TBP: variants seen among roughly 807,000 people sequenced by gnomAD.
TBP encodes TATA-box-binding protein.
TBP carries 12 observed loss-of-function variants against 46.2 expected under a neutral mutation model. That is an observed-to-expected ratio of 0.26 (90% CI 0.17 to 0.42). The LOEUF (loss-of-function observed/expected upper bound fraction) is 0.42, where lower values mean the gene tolerates loss of function less well. Ranked by LOEUF, TBP falls within the 10% of genes least tolerant of loss-of-function variation. TBP has a pLI of 1.00. For synonymous variants in TBP, 157 were observed against 148.3 expected (o/e 1.06, Z -0.42); for missense variants, 229 against 403.1 (o/e 0.57, Z 3.70).
intron 1 of TBP, among the ~76,000 whole-genome samples, chr6:170,555,758 A>G (rs1425345421): frequency 1.3e-5 from 2 of 152,210 alleles, no homozygotes; most frequent in Non-Finnish European, 1.5e-5. Context: ...TCACAAAGAC[A>G]TGTAGGCTGG....
intron 1 of TBP, among the ~76,000 whole-genome samples, chr6:170,555,959 T>A (rs564227494): frequency 1.5e-4 from 23 of 152,352 alleles, no homozygotes; most frequent in African/African-American, 5.0e-4. Context: ...AAGTATATTT[T>A]AAAAAATATC....
intron 3 of TBP, among the ~76,000 whole-genome samples, chr6:170,562,711 C>G (rs982565524): frequency 2.0e-5 from 3 of 152,140 alleles, no homozygotes; most frequent in African/African-American, 7.2e-5. Context: ...CTGTTTTTGT[C>G]ATAAATGGAT....
chr6:170,563,114 T>G (rs1417751516), intron 3 of TBP, among the ~76,000 whole-genome samples: 1 of 152,194 alleles, frequency 6.6e-6, no homozygotes, highest in Non-Finnish European at 1.5e-5. Flanking sequence ...CCACACACAA[T>G]TTTAAAAACA....
At chr6:170,564,304 C>T (rs1779202631) in intron 3 of TBP, among the ~76,000 whole-genome samples, 1 of 152,156 alleles carries the variant, frequency 6.6e-6, no homozygotes, top group South Asian at 2.1e-4. Context: ...TAAGCCTCAG[C>T]TTATTTATCC....
intron 7 of TBP, 24 bp from the exon 8 acceptor site, chr6:170,572,162 C>T: frequency 1.3e-6 from 2 of 1,589,060 alleles, no homozygotes; most frequent in Non-Finnish European, 1.7e-6. Context: ...AGTCTCTCAT[C>T]TCTACTCCAA....
At chr6:170,568,760 C>CTGCT (rs1167109015) in intron 5 of TBP, among the ~76,000 whole-genome samples, 1 of 148,008 alleles carries the variant, frequency 6.8e-6, no homozygotes, top group African/African-American at 2.5e-5. Context: ...ACCTGCCTGC[C>CTGCT]TGCCTTTTTC....
intron 7 of TBP, among the ~76,000 whole-genome samples, chr6:170,571,831 GA>G (rs1779370850): frequency 6.6e-6 from 1 of 151,960 alleles, no homozygotes; most frequent in Admixed American, 6.6e-5. Context: ...GGAAGATTCA[GA>G]AATGAGTCTA....
intron 6 of TBP, 70 bp from the exon 7 acceptor site, chr6:170,571,340 A>G (rs979201297): frequency 9.4e-7 from 1 of 1,062,942 alleles, no homozygotes; most frequent in African/African-American, 1.6e-5. Flanking sequence ...TTTTCCTTGT[A>G]CAGGTCCTCA....
intron 2 of TBP, among the ~76,000 whole-genome samples, chr6:170,559,378 C>T (rs1158163820): frequency 1.3e-5 from 2 of 152,156 alleles, no homozygotes; most frequent in African/African-American, 4.8e-5. Flanking sequence ...GGGAAAAGTT[C>T]TTAAAGGAAA....
rs377394208 is a variant in TBP at position 170,568,815 on chromosome 6, C to CTTTTTTTTTTTTTTTTTTTTTTT, written c.678-792_678-770dup. On this transcript the variant is annotated intron_variant, in intron 5 of 7. Transcript: ENST00000392092. Reference sequence around the variant, plus strand: ...TTCTCTTCTTTCTTTCTTTCCTTTTCTTTTTTTTTTTTTTTTTTTTTTTTT... The same window carrying CTTTTTTTTTTTTTTTTTTTTTTT: ...TTCTCTTCTTTCTTTCTTTCCTTTTCTTTTTTTTTTTTTTTTTTTTTTTTTTTTTTTTTTTTTTTTTTTTTTTT... Among the ~76,000 whole-genome samples the CTTTTTTTTTTTTTTTTTTTTTTT allele has an allele frequency of 1.2e-3, 72 of 62,604 alleles. 19 individuals carry two copies. Among genetic ancestry groups the CTTTTTTTTTTTTTTTTTTTTTTT allele is most frequent in the East Asian group, 1.7e-3 (4 of 2,374 alleles). The allele number at this position is 62,604 out of a possible 152,430, so 41.1% of individuals were successfully genotyped here.
chr6:170,572,095 G>A, intron 7 of TBP, 91 bp from the exon 8 acceptor site: 2 of 981,152 alleles, frequency 2.0e-6, no homozygotes, highest in Non-Finnish European at 3.3e-6. Flanking sequence ...TGAGAATTGT[G>A]CTTGCAGCTT....
chr6:170,564,444 G>A (rs1779206218), intron 3 of TBP, 101 bp from the exon 4 acceptor site: 8 of 754,314 alleles, frequency 1.1e-5, no homozygotes, highest in African/African-American at 1.8e-5. Flanking sequence ...AAAAAGTAAA[G>A]CCTGGTTGAA....
chr6:170,560,248 CAGT>C (rs556976292), intron 2 of TBP, among the ~76,000 whole-genome samples: 117 of 152,248 alleles, frequency 7.7e-4, no homozygotes, highest in African/African-American at 2.6e-3. Context: ...CTTGTAATCT[CAGT>C]ACTTTGGGAG....
chr6:170,560,586 A>G (rs1583126513), intron 2 of TBP, among the ~76,000 whole-genome samples: 1 of 152,330 alleles, frequency 6.6e-6, no homozygotes. Flanking sequence ...TGCCATTAAG[A>G]ATGTTCATGA....
chr6:170,560,460 C>A (rs1779120587), intron 2 of TBP, among the ~76,000 whole-genome samples: 1 of 152,136 alleles, frequency 6.6e-6, no homozygotes, highest in Non-Finnish European at 1.5e-5. Context: ...GAGACCCTGT[C>A]TCAAAGAAAG....
At chr6:170,563,499 C>T (rs1355635421) in intron 3 of TBP, among the ~76,000 whole-genome samples, 1 of 152,190 alleles carries the variant, frequency 6.6e-6, no homozygotes, top group African/African-American at 2.4e-5. Flanking sequence ...ATACTAAAAT[C>T]TACTTGGTAT....
At chr6:170,555,804 T>C (rs1203133454) in intron 1 of TBP, among the ~76,000 whole-genome samples, 2 of 152,188 alleles carry the variant, frequency 1.3e-5, no homozygotes, top group Non-Finnish European at 1.5e-5. Context: ...AGACCATACC[T>C]GCTGTTATAA....
At chr6:170,563,422 A>G (rs1166318762) in intron 3 of TBP, among the ~76,000 whole-genome samples, 1 of 152,174 alleles carries the variant, frequency 6.6e-6, no homozygotes. Context: ...GGATTAAGGT[A>G]AATATTTAAT....
At chr6:170,570,484 G>A (rs564559767) in intron 6 of TBP, among the ~76,000 whole-genome samples, 2 of 152,270 alleles carry the variant, frequency 1.3e-5, no homozygotes, top group East Asian at 3.9e-4. Context: ...AGAAACAGAG[G>A]CATCCTGTTT....
Sources: gnomAD v4.1 joint callset for allele counts (sites outside exome capture counted in the v4.1 genomes callset) on GRCh38, gnomAD v4.1.1 for gene constraint, MANE v1.5 for transcripts, NCBI Gene and HGNC (gene_info 2026-07-23, HGNC 2026-07-21) for gene names.